The following PTPRD variants were observed in gnomAD, a reference collection of about 807,000 sequenced individuals.
The protein encoded by PTPRD is protein tyrosine phosphatase receptor type D.
In PTPRD, 34 loss-of-function variants were observed where a neutral mutation model predicts 214.5. The observed-to-expected ratio is 0.16, with a 90% CI of 0.12 to 0.21. The LOEUF (loss-of-function observed/expected upper bound fraction) is 0.21, where lower values mean the gene tolerates loss of function less well. Among genes scored for constraint, PTPRD ranks in the 10% least tolerant of loss-of-function variants. The pLI is 1.00. For missense variants in PTPRD, 2,545 were observed against 2,398.7 expected (o/e 1.06, Z -1.27); for synonymous variants, 1,128 against 845.7 (o/e 1.33, Z -5.79).
chr9:8,709,186 G>A (rs904534651), intron 12 of PTPRD, among the ~76,000 whole-genome samples: 1 of 152,040 alleles, frequency 6.6e-6, no homozygotes, highest in African/African-American at 2.4e-5. Flanking sequence ...GTACAACATG[G>A]TGACTACAGA....
At chr9:8,502,598 A>G (rs928797070) in intron 23 of PTPRD, among the ~76,000 whole-genome samples, 9 of 152,238 alleles carry the variant, frequency 5.9e-5, no homozygotes, top group African/African-American at 2.2e-4. Flanking sequence ...GGGTTCTTAT[A>G]TCTCAAATTA....
At chr9:9,626,430 T>G (rs1394639285) in intron 7 of PTPRD, among the ~76,000 whole-genome samples, 1 of 152,226 alleles carries the variant, frequency 6.6e-6, no homozygotes, top group Non-Finnish European at 1.5e-5. Context: ...AGGCCATTCA[T>G]GTACATGCAA....
chr9:9,527,652 C>T (rs1440485558), intron 8 of PTPRD, among the ~76,000 whole-genome samples: 1 of 152,168 alleles, frequency 6.6e-6, no homozygotes, highest in East Asian at 1.9e-4. Flanking sequence ...TGTATAATAA[C>T]TCTTCAAGCA....
At chr9:9,079,713 C>T (rs1383118638) in intron 10 of PTPRD, among the ~76,000 whole-genome samples, 1 of 152,014 alleles carries the variant, frequency 6.6e-6, no homozygotes, top group Non-Finnish European at 1.5e-5. Flanking sequence ...GACAGAAACA[C>T]TTTAGGGAGG....
At chr9:9,376,740 G>A (rs1227520795) in intron 9 of PTPRD, among the ~76,000 whole-genome samples, 2 of 152,018 alleles carry the variant, frequency 1.3e-5, no homozygotes, top group East Asian at 1.9e-4. Context: ...AACCCCTCGG[G>A]TCTCTTATTA....
intron 11 of PTPRD, among the ~76,000 whole-genome samples, chr9:8,796,360 T>A (rs913131097): frequency 6.6e-6 from 1 of 152,172 alleles, no homozygotes; most frequent in Non-Finnish European, 1.5e-5. Context: ...TGTGAAACAT[T>A]TGACCTTTAC....
rs76588303 is a variant in PTPRD, at chr9:9,600,908, T to C, written c.-286-26127A>G. On this transcript the variant is annotated intron_variant, in intron 7 of 45. Coordinates refer to ENST00000381196, the MANE Select transcript of PTPRD (RefSeq NM_002839.4). ...CTACTTGTATATTTCATGATATGTT[T>C]GGTTTTTAAGGTGGCTTTCTTGTTT... Among the ~76,000 whole-genome samples the C allele has an allele frequency of 2.2e-3, 337 of 152,176 alleles. 4 individuals carry two copies. In the East Asian group the frequency reaches 0.035, roughly 16 times the overall value.
intron 3 of PTPRD, among the ~76,000 whole-genome samples, chr9:10,083,799 G>A (rs776856648): frequency 3.3e-5 from 5 of 151,974 alleles, no homozygotes; most frequent in Non-Finnish European, 7.4e-5. Flanking sequence ...CACATGTGCA[G>A]TTTACAATAG....
chr9:10,580,441 T>A (rs573302278), intron 2 of PTPRD, among the ~76,000 whole-genome samples: 2 of 152,314 alleles, frequency 1.3e-5, no homozygotes, highest in African/African-American at 4.8e-5. Flanking sequence ...AATTCAATGA[T>A]GATTTAAAAC....
At chr9:10,269,778 T>G (rs1255989388) in intron 3 of PTPRD, among the ~76,000 whole-genome samples, 6 of 152,000 alleles carry the variant, frequency 3.9e-5, no homozygotes, top group Non-Finnish European at 8.8e-5. Flanking sequence ...ATATCTACAA[T>G]TCTATAAAAA....
At chr9:10,130,723 C>G (rs1220111303) in intron 3 of PTPRD, among the ~76,000 whole-genome samples, 1 of 151,332 alleles carries the variant, frequency 6.6e-6, no homozygotes, top group East Asian at 1.9e-4. Context: ...CACTTCTGAA[C>G]AAGAAAGGGT....
At chr9:10,206,933 G>C (rs995317467) in intron 3 of PTPRD, among the ~76,000 whole-genome samples, 20 of 152,060 alleles carry the variant, frequency 1.3e-4, no homozygotes, top group African/African-American at 4.3e-4. Flanking sequence ...AAAATTATCA[G>C]ATTTGCATAT....
intron 35 of PTPRD, among the ~76,000 whole-genome samples, chr9:8,421,370 T>TTCTCTTCTCTTC (rs141962478): frequency 0.04 from 5,849 of 146,670 alleles, 123 homozygotes; most frequent in East Asian, 0.072. Context: ...TTCTCTTCTC[T>TTCTCTTCTCTTC]TCTCTCTCTC....
intron 4 of PTPRD, among the ~76,000 whole-genome samples, chr9:9,959,391 A>T (rs1315782156): frequency 6.6e-6 from 1 of 152,126 alleles, no homozygotes; most frequent in Non-Finnish European, 1.5e-5. Flanking sequence ...GAACAGCAAA[A>T]TTATTCCAAG....
chr9:9,829,215 G>A (rs1349990854), intron 5 of PTPRD, among the ~76,000 whole-genome samples: 1 of 151,732 alleles, frequency 6.6e-6, no homozygotes, highest in African/African-American at 2.4e-5. Context: ...TCTATAAACT[G>A]GTAGCATGTA....
chr9:8,609,281 C>G (rs992500996), intron 14 of PTPRD, among the ~76,000 whole-genome samples: 2 of 152,160 alleles, frequency 1.3e-5, no homozygotes, highest in African/African-American at 4.8e-5. Context: ...CAGCACTGGA[C>G]AGGGTGTTTA....
intron 2 of PTPRD, among the ~76,000 whole-genome samples, chr9:10,420,402 T>G (rs1368031551): frequency 6.6e-6 from 1 of 151,894 alleles, no homozygotes; most frequent in African/African-American, 2.4e-5. Flanking sequence ...AGGACATAAT[T>G]CACCTTGACT....
intron 9 of PTPRD, among the ~76,000 whole-genome samples, chr9:9,197,939 C>A (rs956373620): frequency 6.6e-6 from 1 of 152,160 alleles, no homozygotes; most frequent in Non-Finnish European, 1.5e-5. Flanking sequence ...AATTGCATAG[C>A]ATCAAGCTTT....
rs71485305 is a variant in PTPRD at position 9,842,670 on chromosome 9, GTTT to G, written c.-367-75822_-367-75820del. Among the ~76,000 whole-genome samples, 4 of 138,036 alleles carry G rather than the reference GTTT, an allele frequency of 2.9e-5. No individual in the cohort carries two copies. In the South Asian group the frequency reaches 9.3e-4, roughly 32 times the overall value. The allele number at this position is 138,036 out of a possible 152,430, so 90.6% of individuals were successfully genotyped here. ...AACTAATCAACTATCTAAAAAAGTT[GTTT>G]TTTTTTTTTTTCTTTTCCCCCCAGA... On this transcript the variant is annotated intron_variant, in intron 5 of 45. Coordinates refer to ENST00000381196, the MANE Select transcript of PTPRD (RefSeq NM_002839.4).
Sources: gnomAD v4.1 joint callset for allele counts (sites outside exome capture counted in the v4.1 genomes callset) on GRCh38, gnomAD v4.1.1 for gene constraint, MANE v1.5 for transcripts, NCBI Gene and HGNC (gene_info 2026-07-23, HGNC 2026-07-21) for gene names.